Variants in CCSER1 observed in about 807,000 individuals in gnomAD.
The protein encoded by CCSER1 is coiled-coil serine rich protein 1, also known as serine-rich coiled-coil domain-containing protein 1.
CCSER1 carries 41 observed loss-of-function variants against 82.0 expected under a neutral mutation model. That is an observed-to-expected ratio of 0.50 (90% CI 0.39 to 0.65). CCSER1 has a LOEUF of 0.65. CCSER1 is among the 30% of genes least tolerant of loss of function. CCSER1 has a pLI of 0.00. For missense variants in CCSER1, 1,119 were observed against 1,064.2 expected (o/e 1.05, Z -0.72); for synonymous variants, 414 against 383.9 (o/e 1.08, Z -0.92).
At chr4:90,896,366 G>T (rs926251237) in intron 8 of CCSER1, among the ~76,000 whole-genome samples, 11 of 151,968 alleles carry the variant, frequency 7.2e-5, no homozygotes, top group Non-Finnish European at 1.6e-4. Context: ...AGTGTAAGGA[G>T]AGAGGTGATC....
chr4:91,125,187 T>C (rs1581602039), intron 10 of CCSER1, among the ~76,000 whole-genome samples: 2 of 151,756 alleles, frequency 1.3e-5, no homozygotes, highest in African/African-American at 2.4e-5. Context: ...TCAGGATTTA[T>C]GAAATAATTA....
intron 4 of CCSER1, among the ~76,000 whole-genome samples, chr4:90,451,979 A>G (rs1409392942): frequency 6.6e-6 from 1 of 152,090 alleles, no homozygotes; most frequent in East Asian, 1.9e-4. Context: ...AGGACTAGGA[A>G]AGCATGCTTA....
rs140630586 is a variant in CCSER1 at position 90,819,698 on chromosome 4, A to C, written c.2094+3853A>C. Reference sequence around the variant, plus strand: ...TATTTTATAGCCACACTTCCAATTTATTCCTTCTTTTTAAAAAGAAAACAA... The same window carrying C: ...TATTTTATAGCCACACTTCCAATTTCTTCCTTCTTTTTAAAAAGAAAACAA... On this transcript the variant is annotated intron_variant, in intron 8 of 10. Coordinates refer to ENST00000509176, the MANE Select transcript of CCSER1 (RefSeq NM_001145065.2). 1.3e-3 allele frequency among the ~76,000 whole-genome samples: 198 copies of C among 152,286 alleles called. 2 individuals carry two copies. Among genetic ancestry groups the C allele is most frequent in the Admixed American group, 0.012 (189 of 15,294 alleles).
At chr4:90,720,046 C>G (rs1267495858) in intron 6 of CCSER1, among the ~76,000 whole-genome samples, 4 of 152,090 alleles carry the variant, frequency 2.6e-5, no homozygotes, top group East Asian at 1.9e-4. Flanking sequence ...GAGTTATACT[C>G]TGTAGTATGT....
intron 10 of CCSER1, among the ~76,000 whole-genome samples, chr4:91,324,397 C>T (rs565080579): frequency 4.1e-4 from 62 of 151,686 alleles, no homozygotes; most frequent in African/African-American, 9.0e-4. Flanking sequence ...CGAGTGTTGT[C>T]AACGTCAACG....
chr4:90,544,974 A>T (rs1372160485), intron 5 of CCSER1, among the ~76,000 whole-genome samples: 1 of 152,144 alleles, frequency 6.6e-6, no homozygotes, highest in Admixed American at 6.6e-5. Context: ...TTTCTGAAAA[A>T]AATAGTCCTG....
At chr4:90,943,256 T>C (rs909973904) in intron 9 of CCSER1, among the ~76,000 whole-genome samples, 5 of 152,124 alleles carry the variant, frequency 3.3e-5, no homozygotes, top group Non-Finnish European at 2.9e-5. Context: ...ATTTTAATTT[T>C]GTTTACCTCG....
chr4:91,288,148 G>GTATA (rs36157572), intron 10 of CCSER1, among the ~76,000 whole-genome samples: 66 of 101,814 alleles, frequency 6.5e-4, no homozygotes, highest in East Asian at 4.3e-3. Context: ...ATATACACTC[G>GTATA]TATATATATA....
chr4:91,396,941 G>A (rs1752020306), intron 10 of CCSER1, among the ~76,000 whole-genome samples: 1 of 151,918 alleles, frequency 6.6e-6, no homozygotes, highest in South Asian at 2.1e-4. Flanking sequence ...CAACCTGGAA[G>A]CCCCACAAAC....
intron 1 of CCSER1, among the ~76,000 whole-genome samples, chr4:90,153,661 G>T (rs972353852): frequency 1.7e-4 from 26 of 152,154 alleles, no homozygotes; most frequent in African/African-American, 5.1e-4. Context: ...TTTTCATGCG[G>T]TTTTTGGCTG....
chr4:90,250,178 G>T (rs768302150), intron 1 of CCSER1, among the ~76,000 whole-genome samples: 1 of 151,966 alleles, frequency 6.6e-6, no homozygotes, highest in African/African-American at 2.4e-5. Context: ...TCCATTCTCT[G>T]GGCTTTTACC....
At chr4:91,322,460 A>G (rs905165546) in intron 10 of CCSER1, among the ~76,000 whole-genome samples, 1 of 152,106 alleles carries the variant, frequency 6.6e-6, no homozygotes, top group Admixed American at 6.6e-5. Context: ...TTGTTAATAA[A>G]ACAACTACTT....
chr4:90,633,069 C>T (rs1724736394), intron 6 of CCSER1, among the ~76,000 whole-genome samples: 1 of 152,026 alleles, frequency 6.6e-6, no homozygotes, highest in Non-Finnish European at 1.5e-5. Flanking sequence ...AATTGCTAAT[C>T]TTCCTTTTCC....
intron 10 of CCSER1, among the ~76,000 whole-genome samples, chr4:91,423,914 A>C (rs563677524): frequency 1.0e-3 from 154 of 152,136 alleles, no homozygotes; most frequent in Admixed American, 1.2e-3. Flanking sequence ...TGGTCACCAG[A>C]AAGCCTGCAA....
chr4:91,572,400 T>A (rs1034115782), intron 10 of CCSER1, among the ~76,000 whole-genome samples: 1 of 151,950 alleles, frequency 6.6e-6, no homozygotes, highest in Non-Finnish European at 1.5e-5. Context: ...TGAGGAGGAA[T>A]GGGATCAGGG....
chr4:90,997,035 C>T (rs1737558948), intron 9 of CCSER1, among the ~76,000 whole-genome samples: 1 of 152,116 alleles, frequency 6.6e-6, no homozygotes, highest in Admixed American at 6.6e-5. Flanking sequence ...TTGCTGGACT[C>T]TATGGTGTAT....
At chr4:91,207,810 C>T (rs1736467761) in intron 10 of CCSER1, among the ~76,000 whole-genome samples, 1 of 151,850 alleles carries the variant, frequency 6.6e-6, no homozygotes, top group African/African-American at 2.4e-5. Context: ...TGCCACACTG[C>T]TTTCCCCAAT....
chr4:91,375,519 CT>C (rs35891064), intron 10 of CCSER1, among the ~76,000 whole-genome samples: 11,052 of 136,852 alleles, frequency 0.081, 406 homozygotes, highest in Middle Eastern at 0.11. Flanking sequence ...TCACTGTTGT[CT>C]TTTTTTTTTT....
At chr4:90,690,991 CA>C (rs1735718805) in intron 6 of CCSER1, among the ~76,000 whole-genome samples, 1 of 151,952 alleles carries the variant, frequency 6.6e-6, no homozygotes, top group Non-Finnish European at 1.5e-5. Flanking sequence ...TTAACCTCTC[CA>C]AGTCTTAATT....
Sources: gnomAD v4.1 joint callset for allele counts (sites outside exome capture counted in the v4.1 genomes callset) on GRCh38, gnomAD v4.1.1 for gene constraint, MANE v1.5 for transcripts, NCBI Gene and HGNC (gene_info 2026-07-23, HGNC 2026-07-21) for gene names.